Variants in GRHL1 observed in about 807,000 individuals in gnomAD.
GRHL1 encodes the protein grainyhead-like protein 1 homolog.
Under a neutral mutation model 75.7 loss-of-function variants are expected in GRHL1, and 38 were observed. The observed-to-expected ratio is 0.50, with a 90% CI of 0.39 to 0.66. GRHL1 has a LOEUF of 0.66. Among genes scored for constraint, GRHL1 ranks in the 30% least tolerant of loss-of-function variants. The pLI is 0.00. For missense variants in GRHL1, 589 were observed against 767.5 expected, an observed-to-expected ratio of 0.77 and a Z score of 2.75; for synonymous variants, 266 against 279.4, an observed-to-expected ratio of 0.95 and a Z score of 0.48.
At chr2:9,997,049 A>T (rs1008967753) in intron 14 of GRHL1, among the ~76,000 whole-genome samples, 1 of 152,200 alleles carries the variant, frequency 6.6e-6, no homozygotes, top group African/African-American at 2.4e-5. Flanking sequence ...TGTCTCCTAG[A>T]GACCGTAGAG....
chr2:9,998,601 T>TATATATACATATATATGTACAC (rs1669037138), intron 14 of GRHL1, among the ~76,000 whole-genome samples: 1 of 50,716 alleles, frequency 2.0e-5, no homozygotes, highest in Non-Finnish European at 3.1e-5. Flanking sequence ...TATGTACACA[T>TATATATACATATATATGTACAC]ATATATATAC....
chr2:9,961,232 C>T lies in GRHL1; in HGVS notation c.465C>T (p.His155=). 1 of 1,614,134 alleles carries T rather than the reference C, an allele frequency of 6.2e-7. No individual in the cohort carries two copies. Among genetic ancestry groups the T allele is most frequent in the Non-Finnish European group, 8.5e-7 (1 of 1,179,968 alleles). ...TCTCCATAGCAACGATGCCTACCCA[C>T]TCCATCAAGACAGAAACCCAGCCAC... The part of the protein sequence containing the change: ...VTVSIATMPT[H]SIKTETQPHG... Residue 155 remains histidine (H), a synonymous_variant, in exon 4 of 16, where the codon CAC becomes CAT. Transcript: ENST00000324907.
In GRHL1 at chr2:9,980,719, A is replaced by T. The variant is rs548685501; in HGVS notation, c.1111-5405A>T. Among the ~76,000 whole-genome samples, 6 of 152,338 alleles carry T rather than the reference A, an allele frequency of 3.9e-5. No individual in the cohort carries two copies. In the South Asian group the frequency reaches 6.2e-4, roughly 16 times the overall value. On this transcript the variant is annotated intron_variant, in intron 8 of 15. Transcript: ENST00000324907. Reference sequence around the variant, plus strand: ...AGAAAAGGTCATCTTTTGAATTCTTAAAGTTTTATGTCAGAGATCTTCACA... The same window carrying T: ...AGAAAAGGTCATCTTTTGAATTCTTTAAGTTTTATGTCAGAGATCTTCACA...
intron 8 of GRHL1, among the ~76,000 whole-genome samples, chr2:9,985,755 A>G (rs182273519): frequency 6.6e-6 from 1 of 152,356 alleles, no homozygotes; most frequent in Admixed American, 6.5e-5. Context: ...GGAAGTTTTT[A>G]CTAAGTTACA....
Position 10,001,018 on chromosome 2 carries a change from C to G in GRHL1, c.*311C>G, listed in dbSNP as rs1172390325. 5.2e-6 allele frequency: 1 copy of G among 191,834 alleles called. No individual in the cohort carries two copies. The highest frequency in any genetic ancestry group is 1.1e-5 in the Non-Finnish European group (1 of 94,418). The allele number at this position is 191,834 out of a possible 1,614,324, so 11.9% of individuals were successfully genotyped here. On this transcript the variant is annotated 3_prime_UTR_variant, in exon 16 of 16. Coordinates refer to ENST00000324907, the MANE Select transcript of GRHL1 (RefSeq NM_198182.3). ...TCTCTGGGAAGCTTTAGGACATCTG[C>G]TACGTTATTTATCAAAATATTGGGA...
intron 9 of GRHL1, among the ~76,000 whole-genome samples, chr2:9,988,867 A>G (rs79538455): frequency 0.026 from 4,004 of 152,198 alleles, 173 homozygotes; most frequent in African/African-American, 0.091. Flanking sequence ...TTATGTAGAA[A>G]CAGAAATACC....
chr2:9,964,129 G>A (rs1667390162), intron 6 of GRHL1, 87 bp downstream of exon 6: 1 of 1,384,046 alleles, frequency 7.2e-7, no homozygotes, highest in African/African-American at 1.4e-5. Flanking sequence ...ATGACCGCCT[G>A]AAATTGCAGC....
At position 9,985,988 on chromosome 2, in the gene GRHL1, CT is replaced by C. The variant is rs200647224; in HGVS notation, c.1111-130del. ...CCCTGATCACCTCTTTTTAAAAACC[CT>C]TTTTTAAAAAATGAGAAGCTGAGCT... On this transcript the variant is annotated intron_variant, in intron 8 of 15. Coordinates refer to ENST00000324907, the MANE Select transcript of GRHL1 (RefSeq NM_198182.3). The C allele has an allele frequency of 3.4e-5, 22 of 639,154 alleles. No individual in the cohort carries two copies. The African/African-American group carries it at 4.1e-4, about 12-fold the overall frequency. The allele number at this position is 639,154 out of a possible 1,614,324, so 39.6% of individuals were successfully genotyped here.
chr2:9,952,261 G>A (rs2125197817), intron 1 of GRHL1, among the ~76,000 whole-genome samples: 1 of 152,280 alleles, frequency 6.6e-6, no homozygotes, highest in South Asian at 2.1e-4. Context: ...GCCTGGTGGG[G>A]CTCGCGCCGC....
chr2:9,973,603 G>A (rs1477947616), intron 8 of GRHL1, among the ~76,000 whole-genome samples: 2 of 152,032 alleles, frequency 1.3e-5, no homozygotes, highest in African/African-American at 4.8e-5. Flanking sequence ...TGTTGGATTC[G>A]GAGTTAGAAT....
intron 8 of GRHL1, among the ~76,000 whole-genome samples, chr2:9,974,386 A>G (rs1255571939): frequency 6.6e-6 from 1 of 152,244 alleles, no homozygotes; most frequent in African/African-American, 2.4e-5. Context: ...TTTCTGAAGC[A>G]TCTTCCACAG....
chr2:9,987,470 C>T lies in GRHL1; in HGVS notation c.1269+1188C>T, dbSNP rs1426721796. On this transcript the variant is annotated intron_variant, in intron 9 of 15. Transcript: ENST00000324907. This position sits in a 1 kb window ranked among gnomAD's most constrained non-coding sequence, Gnocchi z 4.2. ...AGGCAGTCACCCCTGCACGGGAGCT[C>T]TTCCTTAGCTGTGTCCGAGTGGCTG... 6.6e-6 allele frequency among the ~76,000 whole-genome samples: 1 copy of T among 152,212 alleles called. No homozygotes were observed. Among genetic ancestry groups the T allele is most frequent in the Non-Finnish European group, 1.5e-5 (1 of 68,034 alleles).
intron 11 of GRHL1, 138 bp from the exon 12 acceptor site, chr2:9,993,069 C>CT: frequency 1.3e-6 from 1 of 742,692 alleles, no homozygotes; most frequent in Non-Finnish European, 2.4e-6. Flanking sequence ...CTGTAAGAAT[C>CT]TGTTATTGAA....
chr2:9,993,132 A>G, intron 11 of GRHL1, 75 bp from the exon 12 acceptor site: 1 of 1,068,306 alleles, frequency 9.4e-7, no homozygotes, highest in Non-Finnish European at 1.5e-6. Flanking sequence ...AATTATTTCC[A>G]TTTTAGGAAT....
At chr2:9,966,883 A>G (rs1219628144) in intron 8 of GRHL1, among the ~76,000 whole-genome samples, 1 of 152,148 alleles carries the variant, frequency 6.6e-6, no homozygotes, top group Admixed American at 6.5e-5. Context: ...GTCACATACA[A>G]TTGTCAGGTG....
intron 10 of GRHL1, 64 bp from the exon 11 acceptor site, chr2:9,991,943 G>T: frequency 7.6e-7 from 1 of 1,314,934 alleles, no homozygotes; most frequent in Admixed American, 2.2e-5. Flanking sequence ...TCTGTGGCCT[G>T]CATCCAGTCT....
intron 4 of GRHL1, 74 bp from the exon 5 acceptor site, chr2:9,962,381 C>T (rs183824237): frequency 2.4e-5 from 20 of 819,334 alleles, no homozygotes; most frequent in Middle Eastern, 2.2e-4. Context: ...TACTTTTATG[C>T]GGTACCAGAG....
chr2:9,967,561 C>T (rs747448271), intron 8 of GRHL1, among the ~76,000 whole-genome samples: 30 of 152,202 alleles, frequency 2.0e-4, no homozygotes, highest in Non-Finnish European at 3.5e-4. Context: ...CCAGCACTGA[C>T]GTGATTTTAA....
At chr2:9,996,074 C>A in intron 13 of GRHL1, 104 bp downstream of exon 13, 3 of 820,136 alleles carry the variant, frequency 3.7e-6, no homozygotes, top group Non-Finnish European at 2.1e-6. Context: ...GTTTCACTTG[C>A]TTGGGAATTC....
Sources: gnomAD v4.1 joint callset for allele counts (sites outside exome capture counted in the v4.1 genomes callset) on GRCh38, gnomAD v4.1.1 for gene constraint, Gnocchi (gnomAD v3.1) non-coding constraint, MANE v1.5 for transcripts, NCBI Gene and HGNC (gene_info 2026-07-23, HGNC 2026-07-21) for gene names.